The following PSAT1 variants were observed in gnomAD, a reference collection of about 807,000 sequenced individuals.
PSAT1 encodes the protein phosphoserine aminotransferase 1.
Under a neutral mutation model 40.3 loss-of-function variants are expected in PSAT1, and 41 were observed. That is an observed-to-expected ratio of 1.02 (90% confidence interval 0.79 to 1.32). The LOEUF (loss-of-function observed/expected upper bound fraction) is 1.32, where lower values mean the gene tolerates loss of function less well. Ranked by LOEUF, PSAT1 falls within the 40% of genes most tolerant of loss-of-function variation. The pLI is 0.00. For synonymous variants in PSAT1, 147 were observed against 170.5 expected (o/e 0.86, Z 1.07); for missense variants, 406 against 455.8 (o/e 0.89, Z 0.99).
chr9:78,319,449 A>G (rs190927322), intron 7 of PSAT1, among the ~76,000 whole-genome samples: 2 of 152,300 alleles, frequency 1.3e-5, no homozygotes, highest in East Asian at 1.9e-4. Flanking sequence ...CACACTCTGC[A>G]TTACTGCCTG....
intron 1 of PSAT1, 102 bp from the exon 2 acceptor site, chr9:78,300,500 C>G: frequency 7.8e-6 from 11 of 1,415,792 alleles, no homozygotes; most frequent in Non-Finnish European, 9.3e-6. Context: ...CTGGGGACCT[C>G]ACTGTAGACC....
chr9:78,327,572 C>G (rs1378299966), intron 7 of PSAT1, among the ~76,000 whole-genome samples: 1 of 152,112 alleles, frequency 6.6e-6, no homozygotes, highest in Non-Finnish European at 1.5e-5. Context: ...TGCTCAGGGT[C>G]ACACAGCTTG....
chr9:78,314,011 T>C (rs1305039966), intron 6 of PSAT1, among the ~76,000 whole-genome samples: 1 of 152,210 alleles, frequency 6.6e-6, no homozygotes, highest in East Asian at 1.9e-4. Flanking sequence ...ATTTAATCAT[T>C]TAATAGGCAG....
chr9:78,317,396 G>C (rs1828361059), intron 6 of PSAT1, among the ~76,000 whole-genome samples: 1 of 152,116 alleles, frequency 6.6e-6, no homozygotes, highest in Non-Finnish European at 1.5e-5. Context: ...GGGACTATAG[G>C]CACATGCTAT....
chr9:78,307,871 C>G (rs1296095666), intron 5 of PSAT1, among the ~76,000 whole-genome samples: 1 of 152,130 alleles, frequency 6.6e-6, no homozygotes, highest in Admixed American at 6.5e-5. Flanking sequence ...GAAACCCCGT[C>G]TTTACTAAAA....
At position 78,306,319 on chromosome 9, in the gene PSAT1, C is replaced by T. The variant is rs1828181994; in HGVS notation, c.403C>T (p.Pro135Ser). ...AAACTTGTCTTCTGTGATAGAAATT[C>T]CAGATCCAAGCACCTGGAACCTCAA... is the stretch of plus-strand genomic sequence containing the variant. Reference protein sequence around the residue: ...HPKLGSYTKIPDPSTWNLNPD... With the variant: ...HPKLGSYTKISDPSTWNLNPD... The change falls in exon 5 of 9, where the codon CCA (proline) becomes TCA (serine). Residue 135 changes from proline (P) to serine (S), a missense_variant. By Grantham distance (74) the Pro-to-Ser change is moderately conservative. Coordinates refer to ENST00000376588, the MANE Select transcript of PSAT1 (RefSeq NM_058179.4). 8.7e-6 allele frequency: 14 copies of T among 1,611,996 alleles called. No homozygotes were observed. Among genetic ancestry groups the T allele is most frequent in the Non-Finnish European group, 1.0e-5 (12 of 1,179,876 alleles).
intron 1 of PSAT1, among the ~76,000 whole-genome samples, chr9:78,300,168 C>T (rs780363377): frequency 1.3e-4 from 20 of 152,148 alleles, no homozygotes; most frequent in Admixed American, 3.9e-4. Flanking sequence ...TCTTCCTGCC[C>T]ACCCCACGCT....
At chr9:78,320,106 C>G (rs1203017408) in intron 7 of PSAT1, among the ~76,000 whole-genome samples, 1 of 151,346 alleles carries the variant, frequency 6.6e-6, no homozygotes, top group Non-Finnish European at 1.5e-5. Context: ...GCCTACCTAT[C>G]CATCCATCTA....
At chr9:78,328,626 A>AGCAGCAGGGAGAT (rs145775049) in intron 8 of PSAT1, among the ~76,000 whole-genome samples, 1 of 54,936 alleles carries the variant, frequency 1.8e-5, no homozygotes, top group East Asian at 1.1e-3. Context: ...ACATGAGAAT[A>AGCAGCAGGGAGAT]GCCCAGCCCC....
intron 7 of PSAT1, among the ~76,000 whole-genome samples, chr9:78,318,894 G>A (rs1828388568): frequency 6.6e-6 from 1 of 152,214 alleles, no homozygotes; most frequent in Non-Finnish European, 1.5e-5. Flanking sequence ...CTAGTGCGGT[G>A]CCTTGGATGC....
intron 7 of PSAT1, among the ~76,000 whole-genome samples, chr9:78,323,805 A>G (rs898357384): frequency 1.3e-5 from 2 of 152,174 alleles, no homozygotes; most frequent in Admixed American, 6.5e-5. Context: ...CAAATTTAAA[A>G]TTAATTTTTT....
chr9:78,326,582 TA>T (rs1162153923), intron 7 of PSAT1, among the ~76,000 whole-genome samples: 1 of 152,178 alleles, frequency 6.6e-6, no homozygotes, highest in African/African-American at 2.4e-5. Flanking sequence ...TAAAAATTTT[TA>T]AAAAGATAGA....
chr9:78,308,675 CCTGGG>C, intron 6 of PSAT1, 92 bp downstream of exon 6: 2 of 1,486,742 alleles, frequency 1.3e-6, no homozygotes, highest in Non-Finnish European at 1.8e-6. Context: ...AACATGTAAG[CCTGGG>C]CGCGGTGGCT....
intron 6 of PSAT1, among the ~76,000 whole-genome samples, chr9:78,317,238 T>G (rs1828357896): frequency 6.7e-6 from 1 of 149,856 alleles, no homozygotes; most frequent in Non-Finnish European, 1.5e-5. Context: ...GCCCTGCTTT[T>G]GTCTTGTGTA....
Position 78,304,689 on chromosome 9 carries a change from G to T in PSAT1, c.192-46G>T. On this transcript the variant is annotated intron_variant, in intron 3 of 8. Coordinates refer to ENST00000376588, the MANE Select transcript of PSAT1 (RefSeq NM_058179.4). Reference sequence around the variant, plus strand: ...AGAGCATCACTTGTTCTCAATCTTTGACCACATGAGTTTATGTATTGACTG... The same window carrying T: ...AGAGCATCACTTGTTCTCAATCTTTTACCACATGAGTTTATGTATTGACTG... 1.9e-6 allele frequency: 3 copies of T among 1,542,644 alleles called. No individual in the cohort carries two copies. In the South Asian group the frequency reaches 3.4e-5, roughly 17 times the overall value.
intron 1 of PSAT1, among the ~76,000 whole-genome samples, chr9:78,298,638 G>A (rs1280657727): frequency 6.6e-6 from 1 of 152,024 alleles, no homozygotes; most frequent in Non-Finnish European, 1.5e-5. Flanking sequence ...TACTATAATT[G>A]TAATGGCAAT....
chr9:78,324,260 G>A (rs1176675242), intron 7 of PSAT1, among the ~76,000 whole-genome samples: 1 of 152,170 alleles, frequency 6.6e-6, no homozygotes, highest in Non-Finnish European at 1.5e-5. Context: ...GAGGAGGTCT[G>A]CCTAGCTCTG....
chr9:78,328,954 C>G, intron 8 of PSAT1, 27 bp from the exon 9 acceptor site: 1 of 1,576,404 alleles, frequency 6.3e-7, no homozygotes, highest in Non-Finnish European at 8.7e-7. Context: ...TTTTTGTTCT[C>G]AATGCCTGGA....
Position 78,329,410 on chromosome 9 carries a change from GATTA to G in PSAT1, c.*329_*332del. On this transcript the variant is annotated 3_prime_UTR_variant, in exon 9 of 9. Coordinates refer to ENST00000376588, the MANE Select transcript of PSAT1 (RefSeq NM_058179.4). ...CTGTGGACTTAATAATGCAAGTTGC[GATTA>G]ATTATTTCTGGAGTCATGGGAACAC... The G allele has an allele frequency of 8.2e-6, 3 of 365,326 alleles. No homozygotes were observed. The highest frequency in any genetic ancestry group is 4.5e-5 in the South Asian group (2 of 44,504). The allele number at this position is 365,326 out of a possible 1,614,324, so 22.6% of individuals were successfully genotyped here. A position where few individuals can be genotyped will look rare whatever the true frequency, so the allele number is the denominator to read the frequency against.
Sources: allele counts gnomAD v4.1 joint callset (sites outside exome capture counted in the v4.1 genomes callset), GRCh38; gene constraint gnomAD v4.1.1; transcripts MANE v1.5; gene names NCBI Gene and HGNC (gene_info 2026-07-23, HGNC 2026-07-21).